DOCK3: variants seen among roughly 807,000 people sequenced by gnomAD.
The protein encoded by DOCK3 is dedicator of cytokinesis protein 3.
DOCK3 carries 60 observed loss-of-function variants against 265.6 expected under a neutral mutation model. The ratio of observed to expected loss-of-function variants is 0.23; its 90% confidence interval spans 0.18 to 0.28. The LOEUF (loss-of-function observed/expected upper bound fraction) is 0.28. Ranked by LOEUF, DOCK3 falls within the 10% of genes least tolerant of loss-of-function variation. DOCK3 has a pLI of 1.00. For missense variants in DOCK3, 1,981 were observed against 2,594.3 expected (o/e 0.76, Z 5.14); for synonymous variants, 881 against 938.0 (o/e 0.94, Z 1.11).
chr3:51,191,037 G>A (rs1223037850), intron 12 of DOCK3, among the ~76,000 whole-genome samples: 1 of 152,156 alleles, frequency 6.6e-6, no homozygotes, highest in Non-Finnish European at 1.5e-5. Context: ...TACATAGTTG[G>A]CAAGGCAGGT....
chr3:50,873,818 C>A (rs1414733922), intron 3 of DOCK3, among the ~76,000 whole-genome samples: 1 of 152,156 alleles, frequency 6.6e-6, no homozygotes, highest in Non-Finnish European at 1.5e-5. Context: ...TATTTCTGCT[C>A]TAATGGAACA....
At chr3:51,286,183 C>T (rs928191637) in intron 27 of DOCK3, among the ~76,000 whole-genome samples, 1 of 152,082 alleles carries the variant, frequency 6.6e-6, no homozygotes. Context: ...AACATTCAAG[C>T]TGAGCCAAAT....
chr3:51,070,791 G>T (rs1210803126), intron 6 of DOCK3, among the ~76,000 whole-genome samples: 1 of 152,038 alleles, frequency 6.6e-6, no homozygotes, highest in Non-Finnish European at 1.5e-5. Flanking sequence ...GTGAGCTGCC[G>T]GTGAGCCAGT....
At chr3:51,137,989 T>C (rs575131623) in intron 9 of DOCK3, among the ~76,000 whole-genome samples, 1 of 152,358 alleles carries the variant, frequency 6.6e-6, no homozygotes, top group South Asian at 2.1e-4. Flanking sequence ...GCTCTTGCTC[T>C]AGTTGCCAAG....
chr3:51,008,034 A>G (rs1018240112), intron 5 of DOCK3, among the ~76,000 whole-genome samples: 2 of 152,112 alleles, frequency 1.3e-5, no homozygotes, highest in South Asian at 4.1e-4. Context: ...GCCTTGTAGT[A>G]TAGTTTGAAG....
At chr3:51,199,098 C>T (rs552395717) in intron 12 of DOCK3, among the ~76,000 whole-genome samples, 1 of 152,278 alleles carries the variant, frequency 6.6e-6, no homozygotes, top group African/African-American at 2.4e-5. Flanking sequence ...CTACAGCTCC[C>T]AGCGTCAGCG....
At position 51,376,217 on chromosome 3, in the gene DOCK3, A is replaced by C. The variant is rs535253705; in HGVS notation, c.5500+382A>C. On this transcript the variant is annotated intron_variant, in intron 51 of 52. Transcript: ENST00000266037. ...TCCCTCTCAGCTTGGGCCCTCAGGG[A>C]TCTTTCCTTGGAGCTCAGAACAGGC... Among the ~76,000 whole-genome samples the C allele has an allele frequency of 2.6e-5, 4 of 152,244 alleles. No individual in the cohort carries two copies. In the East Asian group the frequency reaches 7.7e-4, roughly 29 times the overall value.
chr3:51,341,610 G>A (rs775516603), intron 38 of DOCK3, among the ~76,000 whole-genome samples: 2 of 152,210 alleles, frequency 1.3e-5, no homozygotes, highest in Non-Finnish European at 2.9e-5. Flanking sequence ...GATTGTAGGT[G>A]TTAGAGACTA....
intron 5 of DOCK3, among the ~76,000 whole-genome samples, chr3:50,935,303 G>A (rs2051294804): frequency 6.6e-6 from 1 of 152,172 alleles, no homozygotes; most frequent in Non-Finnish European, 1.5e-5. Flanking sequence ...AACCAGTACT[G>A]TTTTATACAT....
intron 5 of DOCK3, among the ~76,000 whole-genome samples, chr3:51,022,718 T>C (rs1559955353): frequency 6.6e-6 from 1 of 152,202 alleles, no homozygotes; most frequent in Non-Finnish European, 1.5e-5. Context: ...CTCTTTAGTT[T>C]AATTAGGTCC....
At chr3:51,253,031 C>T (rs990745765) in intron 22 of DOCK3, among the ~76,000 whole-genome samples, 16 of 152,174 alleles carry the variant, frequency 1.1e-4, no homozygotes, top group Non-Finnish European at 1.6e-4. Context: ...TTTTGAGATA[C>T]GTCCCATCAA....
chr3:51,360,345 G>A (rs936993514), intron 46 of DOCK3, among the ~76,000 whole-genome samples, 166 bp from the exon 47 acceptor site: 3 of 152,324 alleles, frequency 2.0e-5, no homozygotes, highest in Non-Finnish European at 2.9e-5. Flanking sequence ...TGTTTTAGTC[G>A]TGAAGAGGGC....
At chr3:51,113,176 G>C (rs1024204725) in intron 9 of DOCK3, among the ~76,000 whole-genome samples, 4 of 151,662 alleles carry the variant, frequency 2.6e-5, no homozygotes, top group African/African-American at 9.7e-5. Flanking sequence ...GGAGATAGAG[G>C]ATAAATATAT....
At chr3:50,976,267 C>G (rs1411499441) in intron 5 of DOCK3, among the ~76,000 whole-genome samples, 6 of 112,800 alleles carry the variant, frequency 5.3e-5, no homozygotes, top group African/African-American at 1.6e-4. Context: ...CCTGCTTTCT[C>G]TTGTGGGCAT....
chr3:50,752,055 C>T (rs1386920401), intron 1 of DOCK3, among the ~76,000 whole-genome samples: 1 of 152,160 alleles, frequency 6.6e-6, no homozygotes, highest in African/African-American at 2.4e-5. Flanking sequence ...CACAGCCAAA[C>T]TATATCACCC....
chr3:51,044,084 C>T (rs2080654252), intron 5 of DOCK3, among the ~76,000 whole-genome samples: 1 of 151,740 alleles, frequency 6.6e-6, no homozygotes, highest in African/African-American at 2.4e-5. Context: ...GTGTATATAC[C>T]CAAAGGAATA....
intron 51 of DOCK3, 149 bp from the exon 52 acceptor site, chr3:51,379,976 G>A (rs2088488044): frequency 4.9e-6 from 3 of 614,494 alleles, no homozygotes; most frequent in Admixed American, 3.4e-5. Flanking sequence ...GAGAAGGCCA[G>A]TGTAAAGAGA....
rs1310992161 is a variant in DOCK3, at chr3:50,834,561, GA to G, written c.122-7112del. On this transcript the variant is annotated intron_variant, in intron 2 of 52. Coordinates refer to ENST00000266037, the MANE Select transcript of DOCK3 (RefSeq NM_004947.5). ...GTATGATTTGTATACCAAATAAGCT[GA>G]ATATGTCATTTTTGGACCTTAGGTG... is the stretch of plus-strand genomic sequence containing the variant. Among the ~76,000 whole-genome samples, 5 of 152,070 alleles carry G rather than the reference GA, an allele frequency of 3.3e-5. No homozygotes were observed. The East Asian group carries it at 7.7e-4, about 23-fold the overall frequency.
At chr3:50,947,859 TC>T (rs372065330) in intron 5 of DOCK3, among the ~76,000 whole-genome samples, 6 of 149,660 alleles carry the variant, frequency 4.0e-5, no homozygotes, top group African/African-American at 7.3e-5. Flanking sequence ...CTGCAGTTTT[TC>T]TTTTTTTTTT....
Sources: allele counts gnomAD v4.1 joint callset (sites outside exome capture counted in the v4.1 genomes callset), GRCh38; gene constraint gnomAD v4.1.1; transcripts MANE v1.5; gene names NCBI Gene and HGNC (gene_info 2026-07-23, HGNC 2026-07-21).